Variants in TACC2 observed in about 807,000 individuals in gnomAD.
TACC2 encodes the protein transforming acidic coiled-coil-containing protein 2.
Under a neutral mutation model 227.3 loss-of-function variants are expected in TACC2, and 137 were observed. The ratio of observed to expected loss-of-function variants is 0.60; its 90% CI spans 0.52 to 0.69. The LOEUF (loss-of-function observed/expected upper bound fraction) is 0.69. TACC2 is among the 30% of genes least tolerant of loss of function. The pLI is 0.00. For synonymous variants in TACC2, 1,523 were observed against 1,487.5 expected (o/e 1.02, Z -0.55); for missense variants, 3,470 against 3,694.4 (o/e 0.94, Z 1.57).
At position 122,141,436 on chromosome 10, in the gene TACC2, G is replaced by A. The variant is rs1366744844; in HGVS notation, c.5700-2136G>A. Among the ~76,000 whole-genome samples the A allele has an allele frequency of 6.6e-6, 1 of 152,198 alleles. No individual in the cohort carries two copies. The highest frequency in any genetic ancestry group is 6.5e-5 in the Admixed American group (1 of 15,284). ...GCGCAGGAAGGGTGTGGCCATGGCA[G>A]TTGGGACCAACAGAAGGAAGGGAGG... On this transcript the variant is annotated intron_variant, in intron 6 of 22. Coordinates refer to ENST00000369005, the MANE Select transcript of TACC2 (RefSeq NM_206862.4). This position sits in a 1 kb window ranked among gnomAD's most constrained non-coding sequence, Gnocchi z 4.3.
At chr10:122,153,147 C>T (rs1321003584) in intron 7 of TACC2, among the ~76,000 whole-genome samples, 1 of 151,968 alleles carries the variant, frequency 6.6e-6, no homozygotes, top group African/African-American at 2.4e-5. Flanking sequence ...AGGCATAGGT[C>T]ACCACGCCCG....
At chr10:122,107,925 A>C (rs2083064810) in intron 5 of TACC2, among the ~76,000 whole-genome samples, 1 of 119,864 alleles carries the variant, frequency 8.3e-6, no homozygotes. Flanking sequence ...ACGGAGTCTC[A>C]CTGTTGCCCA....
At chr10:122,095,120 C>T (rs1014713313) in intron 5 of TACC2, among the ~76,000 whole-genome samples, 3 of 152,154 alleles carry the variant, frequency 2.0e-5, no homozygotes, top group African/African-American at 4.8e-5. Context: ...GGGTTTTGGC[C>T]CCTGATGGCA....
chr10:122,193,024 G>T (rs1337052516), intron 7 of TACC2, among the ~76,000 whole-genome samples: 2 of 152,214 alleles, frequency 1.3e-5, no homozygotes, highest in Non-Finnish European at 2.9e-5. Context: ...TGCAAGTGCG[G>T]ATCTTTCCTT....
intron 2 of TACC2, among the ~76,000 whole-genome samples, chr10:122,041,443 T>TTTC (rs1221403679): frequency 1.3e-5 from 2 of 148,686 alleles, no homozygotes; most frequent in Non-Finnish European, 3.0e-5. Flanking sequence ...TTTCCTTTCT[T>TTTC]TTTTTTTTTT....
At chr10:122,038,921 C>A (rs746963597) in intron 2 of TACC2, among the ~76,000 whole-genome samples, 9 of 152,120 alleles carry the variant, frequency 5.9e-5, no homozygotes, top group Non-Finnish European at 1.0e-4. Flanking sequence ...AGTGAAATGG[C>A]TTAGAAAGAA....
At chr10:122,035,110 C>A (rs530974999) in intron 2 of TACC2, among the ~76,000 whole-genome samples, 1 of 152,134 alleles carries the variant, frequency 6.6e-6, no homozygotes, top group African/African-American at 2.4e-5. Flanking sequence ...CAGGCTCCTA[C>A]GGGTGTCCCT....
chr10:122,031,321 G>A (rs1291131067), intron 2 of TACC2, among the ~76,000 whole-genome samples: 1 of 151,782 alleles, frequency 6.6e-6, no homozygotes, highest in East Asian at 1.9e-4. Flanking sequence ...GTCCAGGGAG[G>A]TGCCCCCAGC....
At chr10:122,018,151 T>A (rs1213440956) in intron 1 of TACC2, among the ~76,000 whole-genome samples, 1 of 152,064 alleles carries the variant, frequency 6.6e-6, no homozygotes, top group Non-Finnish European at 1.5e-5. Flanking sequence ...GGCCCTGGTG[T>A]ATGTTGTTCC....
intron 3 of TACC2, among the ~76,000 whole-genome samples, chr10:122,063,184 G>A (rs1448362957): frequency 1.3e-5 from 2 of 152,222 alleles, no homozygotes; most frequent in Non-Finnish European, 2.9e-5. Context: ...AGAAAAATCA[G>A]AAAGATCTAA....
Position 122,085,495 on chromosome 10 carries a change from G to A in TACC2, c.2995G>A (p.Asp999Asn). ...GPNKSQQALA[D>N]ALEEGSQHEE... The stretch of plus-strand genomic sequence containing the variant: ...AAACAAGTCTCAACAGGCATTGGCT[G>A]ATGCCTTGGAAGAAGGCAGCCAGCA... Residue 999 changes from aspartate to asparagine, a missense_variant, in exon 4 of 23, where the codon GAT becomes AAT. Asp to Asn is a conservative substitution (Grantham distance 23). Around this residue, in one of 10 missense-constraint regions of TACC2, gnomAD observed 1,924 missense variants for 1,978.3 expected, o/e 0.97. Coordinates refer to ENST00000369005, the MANE Select transcript of TACC2 (RefSeq NM_206862.4). The A allele has an allele frequency of 6.2e-7, 1 of 1,613,624 alleles. No individual in the cohort carries two copies. The highest frequency in any genetic ancestry group is 1.3e-5 in the African/African-American group (1 of 75,064).
Position 122,132,720 on chromosome 10 carries a change from T to C in TACC2, c.5685T>C (p.Asp1895=), listed in dbSNP as rs1481459939. The C allele has an allele frequency of 3.7e-6, 6 of 1,614,040 alleles. No homozygotes were observed. The change falls in exon 6 of 23, where the codon GAT becomes GAC. Residue 1895 remains aspartate (D), a synonymous_variant. Coordinates refer to ENST00000369005, the MANE Select transcript of TACC2 (RefSeq NM_206862.4). ...ATGTTGTTGGCCAGGTCTCTACGGATCTGATAGCCCAGAGGTACGGTGGGG... is the reference window on the plus strand; with the variant it reads ...ATGTTGTTGGCCAGGTCTCTACGGACCTGATAGCCCAGAGGTACGGTGGGG... ...HGDVVGQVST[D]LIAQSISPAA...
At chr10:122,101,518 G>A (rs992478716) in intron 5 of TACC2, among the ~76,000 whole-genome samples, 12 of 145,642 alleles carry the variant, frequency 8.2e-5, no homozygotes, top group East Asian at 4.6e-4. Context: ...TCAGGAGTTC[G>A]AGACCAGCCT....
intron 8 of TACC2, among the ~76,000 whole-genome samples, 169 bp downstream of exon 8, chr10:122,195,345 A>G (rs895895404): frequency 6.6e-6 from 1 of 152,186 alleles, no homozygotes; most frequent in South Asian, 2.1e-4. Context: ...TGAAGGGTGA[A>G]CAGATACACT....
chr10:122,048,620 A>G (rs1300401675), intron 2 of TACC2, among the ~76,000 whole-genome samples: 1 of 151,940 alleles, frequency 6.6e-6, no homozygotes, highest in Non-Finnish European at 1.5e-5. Context: ...GCCTTCCCAA[A>G]GTGCTGGGAT....
chr10:122,078,082 C>G (rs912257809), intron 3 of TACC2, among the ~76,000 whole-genome samples: 1 of 151,468 alleles, frequency 6.6e-6, no homozygotes, highest in African/African-American at 2.4e-5. Context: ...GTAGTCCAGG[C>G]CACTCGGGAG....
intron 7 of TACC2, among the ~76,000 whole-genome samples, chr10:122,155,833 A>AT (rs66559186): frequency 0.7 from 82,469 of 118,508 alleles, 30,117 homozygotes; most frequent in Non-Finnish European, 0.81. Context: ...TAGTGGGAAA[A>AT]TTTTTTTTTT....
chr10:122,164,709 G>A (rs561804122), intron 7 of TACC2, among the ~76,000 whole-genome samples: 2 of 152,194 alleles, frequency 1.3e-5, no homozygotes, highest in South Asian at 4.1e-4. Context: ...TTTGGACGAT[G>A]GGGCGTATTG....
chr10:122,037,837 G>A (rs1007845551), intron 2 of TACC2, among the ~76,000 whole-genome samples: 1 of 152,234 alleles, frequency 6.6e-6, no homozygotes, highest in African/African-American at 2.4e-5. Context: ...TCTGGATGGG[G>A]CTGAGGTCCT....
Sources: gnomAD v4.1 joint callset for allele counts (sites outside exome capture counted in the v4.1 genomes callset) on GRCh38, gnomAD v4.1.1 for gene constraint, gnomAD v4.1.1 regional missense constraint, Gnocchi (gnomAD v3.1) non-coding constraint, MANE v1.5 for transcripts, NCBI Gene and HGNC (gene_info 2026-07-23, HGNC 2026-07-21) for gene names.